The following SLC25A24 variants were observed in gnomAD, a reference collection of about 807,000 sequenced individuals.
SLC25A24 encodes solute carrier family 25 member 24.
A neutral mutation model predicts 60.7 loss-of-function variants in SLC25A24; 49 were observed. The ratio of observed to expected loss-of-function variants is 0.81; its 90% CI spans 0.64 to 1.02. The LOEUF (loss-of-function observed/expected upper bound fraction) is 1.02, where lower values mean the gene tolerates loss of function less well. Among genes scored for constraint, SLC25A24 ranks in the 50% least tolerant of loss-of-function variants. The probability of loss-of-function intolerance (pLI) is 0.00; values close to 1 mark genes in which losing one functional copy is unlikely to be tolerated. For missense variants in SLC25A24, 564 were observed against 586.3 expected, an observed-to-expected ratio of 0.96 and a Z score of 0.39; for synonymous variants, 202 against 200.6, an observed-to-expected ratio of 1.01 and a Z score of -0.06.
At chr1:108,175,913 C>A (rs1195115758) in intron 3 of SLC25A24, among the ~76,000 whole-genome samples, 1 of 152,170 alleles carries the variant, frequency 6.6e-6, no homozygotes, top group Non-Finnish European at 1.5e-5. Context: ...CAAAGCCAGT[C>A]TGCAAAGACT....
chr1:108,176,617 G>C (rs1016277332), intron 3 of SLC25A24, among the ~76,000 whole-genome samples: 13 of 152,138 alleles, frequency 8.5e-5, no homozygotes, highest in Non-Finnish European at 1.3e-4. Flanking sequence ...AGAGGATCCT[G>C]AAAACAGCAA....
intron 3 of SLC25A24, among the ~76,000 whole-genome samples, chr1:108,181,403 A>G (rs978521142): frequency 6.6e-6 from 1 of 152,244 alleles, no homozygotes; most frequent in Non-Finnish European, 1.5e-5. Context: ...CTATCCCATG[A>G]AACAAAACAT....
At chr1:108,167,109 C>G (rs1424717222) in intron 3 of SLC25A24, among the ~76,000 whole-genome samples, 1 of 152,006 alleles carries the variant, frequency 6.6e-6, no homozygotes, top group African/African-American at 2.4e-5. Context: ...GCTCGGGCGT[C>G]AGGGGTCAGG....
At chr1:108,170,165 A>G (rs1032068503) in intron 3 of SLC25A24, among the ~76,000 whole-genome samples, 15 of 152,180 alleles carry the variant, frequency 9.9e-5, no homozygotes, top group Non-Finnish European at 1.3e-4. Context: ...GAAATATTCC[A>G]TAAGTTTTAA....
chr1:108,167,067 G>T (rs1217305820), intron 3 of SLC25A24, among the ~76,000 whole-genome samples: 1 of 110,914 alleles, frequency 9.0e-6, no homozygotes, highest in Middle Eastern at 5.1e-3. Flanking sequence ...GTGTCAGTGT[G>T]CCCCTGCTGG....
chr1:108,139,733 T>C (rs1461263480), intron 8 of SLC25A24, among the ~76,000 whole-genome samples: 1 of 152,108 alleles, frequency 6.6e-6, no homozygotes, highest in Admixed American at 6.5e-5. Flanking sequence ...TGCCTCAGCC[T>C]CCTGAGTAGC....
At chr1:108,141,924 A>G (rs1052222727) in intron 8 of SLC25A24, among the ~76,000 whole-genome samples, 3 of 152,152 alleles carry the variant, frequency 2.0e-5, no homozygotes, top group Non-Finnish European at 4.4e-5. Context: ...AGTTCTAGAG[A>G]TCTGTTGCAC....
At chr1:108,197,219 T>C (rs533765669) in intron 1 of SLC25A24, among the ~76,000 whole-genome samples, 3 of 152,322 alleles carry the variant, frequency 2.0e-5, no homozygotes, top group Admixed American at 6.5e-5. Flanking sequence ...TGGTTAGCTA[T>C]TATATTCCTT....
chr1:108,181,825 C>G (rs934132571), intron 3 of SLC25A24, 116 bp downstream of exon 3: 3 of 727,678 alleles, frequency 4.1e-6, no homozygotes, highest in African/African-American at 3.6e-5. Flanking sequence ...ACAAAAAGAT[C>G]TTGGATATAC....
At position 108,192,726 on chromosome 1, in the gene SLC25A24, A is replaced by C. The variant is rs1648383866; in HGVS notation, c.184-6772T>G. On this transcript the variant is annotated intron_variant, in intron 1 of 9. Transcript: ENST00000565488. ...CCCACCACACACGTCCAGTGGGAAG[A>C]GGCCTAAGACAGCATCCTCCTCAGG... is the stretch of plus-strand genomic sequence containing the variant. 3 of 1,421,882 alleles carry C rather than the reference A, an allele frequency of 2.1e-6. 1 individual carries two copies. The South Asian group carries it at 4.3e-5, about 20-fold the overall frequency. 88.1% of individuals were successfully genotyped at this position (1,421,882 alleles called of 1,614,324 possible).
At chr1:108,198,130 C>G (rs140799017) in intron 1 of SLC25A24, among the ~76,000 whole-genome samples, 23 of 152,286 alleles carry the variant, frequency 1.5e-4, no homozygotes, top group African/African-American at 5.5e-4. Context: ...GATGCCAGCA[C>G]CACGCTTCTT....
Position 108,136,585 on chromosome 1 carries a change from G to T in SLC25A24, c.*68C>A. The T allele has an allele frequency of 1.5e-6, 2 of 1,347,024 alleles. No homozygotes were observed. Among genetic ancestry groups the T allele is most frequent in the Non-Finnish European group, 2.1e-6 (2 of 963,158 alleles). The allele number at this position is 1,347,024 out of a possible 1,614,324, so 83.4% of individuals were successfully genotyped here. A position where few individuals can be genotyped will look rare whatever the true frequency, so the allele number is the denominator to read the frequency against. ...TTTTGCCATAGACTTGTTTCAATTC[G>T]AGGAGAAAAAGTCACTCCAGAGATT... On this transcript the variant is annotated 3_prime_UTR_variant, in exon 10 of 10. Transcript: ENST00000565488.
intron 3 of SLC25A24, among the ~76,000 whole-genome samples, chr1:108,167,680 C>A (rs570089619): frequency 3.9e-5 from 6 of 152,220 alleles, no homozygotes; most frequent in Non-Finnish European, 8.8e-5. Flanking sequence ...CACTGACCTG[C>A]GCCCACTGTC....
At position 108,136,396 on chromosome 1, in the gene SLC25A24, A is replaced by C; in HGVS notation, c.*257T>G. 1.3e-5 allele frequency: 4 copies of C among 311,634 alleles called. No homozygotes were observed. Among genetic ancestry groups the C allele is most frequent in the East Asian group, 5.9e-5 (1 of 16,840 alleles). The allele number at this position is 311,634 out of a possible 1,614,324, so 19.3% of individuals were successfully genotyped here. A position where few individuals can be genotyped will look rare whatever the true frequency, so the allele number is the denominator to read the frequency against. ...CATTTTCAGATTTCGGATTCAGGGC[A>C]GAGATTTGCAGGATTATTAAGAAAA... On this transcript the variant is annotated 3_prime_UTR_variant, in exon 10 of 10. Transcript: ENST00000565488.
chr1:108,169,747 C>T (rs1647381372), intron 3 of SLC25A24, among the ~76,000 whole-genome samples: 1 of 152,146 alleles, frequency 6.6e-6, no homozygotes, highest in Non-Finnish European at 1.5e-5. Context: ...TCTTCAATTG[C>T]TTAGGTACTA....
At chr1:108,181,134 T>G (rs1571305130) in intron 3 of SLC25A24, among the ~76,000 whole-genome samples, 1 of 145,792 alleles carries the variant, frequency 6.9e-6, no homozygotes, top group South Asian at 2.2e-4. Flanking sequence ...GCCTTCCTCT[T>G]GAGCAGCTGT....
rs556550333 is a variant in SLC25A24 at position 108,150,428 on chromosome 1, G to C, written c.823-2042C>G. On this transcript the variant is annotated intron_variant, in intron 6 of 9. Transcript: ENST00000565488. ...TACAGAACTGAACCTTCCTAAAGGA[G>C]ACTTAACTGAGCCCTCAAAACCACC... 1.7e-4 allele frequency among the ~76,000 whole-genome samples: 26 copies of C among 152,288 alleles called. 1 individual carries two copies. In the East Asian group the frequency reaches 3.1e-3, roughly 18 times the overall value.
chr1:108,161,355 T>G (rs888678186), intron 3 of SLC25A24, 62 bp from the exon 4 acceptor site: 2 of 847,628 alleles, frequency 2.4e-6, no homozygotes, highest in East Asian at 5.0e-5. Context: ...CTAACATTAT[T>G]GGCCACTTTA....
chr1:108,154,272 G>C (rs1679830024), intron 6 of SLC25A24, among the ~76,000 whole-genome samples: 1 of 151,950 alleles, frequency 6.6e-6, no homozygotes, highest in Non-Finnish European at 1.5e-5. Context: ...AACAATGATG[G>C]AATAAATAAT....
Sources: allele counts gnomAD v4.1 joint callset (sites outside exome capture counted in the v4.1 genomes callset), GRCh38; gene constraint gnomAD v4.1.1; transcripts MANE v1.5; gene names NCBI Gene and HGNC (gene_info 2026-07-23, HGNC 2026-07-21).